Variants in SYNPR observed in about 807,000 individuals in gnomAD.
SYNPR encodes synaptoporin.
SYNPR carries 23 observed loss-of-function variants against 32.9 expected under a neutral mutation model. The observed-to-expected ratio is 0.70, with a 90% CI of 0.50 to 0.99. The LOEUF (loss-of-function observed/expected upper bound fraction) is 0.99, where lower values mean the gene tolerates loss of function less well. Among genes scored for constraint, SYNPR ranks in the 50% least tolerant of loss-of-function variants. The pLI is 0.00. For synonymous variants in SYNPR, 146 were observed against 135.9 expected, an observed-to-expected ratio of 1.07 and a Z score of -0.52; for missense variants, 318 against 349.3, an observed-to-expected ratio of 0.91 and a Z score of 0.71.
intron 2 of SYNPR, among the ~76,000 whole-genome samples, chr3:63,295,665 ACTT>A (rs1367728281): frequency 6.6e-6 from 1 of 152,166 alleles, no homozygotes; most frequent in African/African-American, 2.4e-5. Flanking sequence ...TACTTTTAAA[ACTT>A]CTTTTCTTAT....
chr3:63,308,703 A>C (rs1173822562), intron 2 of SYNPR, among the ~76,000 whole-genome samples: 1 of 151,892 alleles, frequency 6.6e-6, no homozygotes, highest in Non-Finnish European at 1.5e-5. Context: ...GTTCCTCTGT[A>C]CATAATGTGT....
chr3:63,337,963 A>T (rs1444068421), intron 2 of SYNPR, among the ~76,000 whole-genome samples: 2 of 152,330 alleles, frequency 1.3e-5, no homozygotes, highest in South Asian at 2.1e-4. Flanking sequence ...TACATTTGAC[A>T]AATGAACCAT....
intron 4 of SYNPR, among the ~76,000 whole-genome samples, chr3:63,591,371 G>A (rs1699822728): frequency 7.7e-6 from 1 of 129,544 alleles, no homozygotes; most frequent in South Asian, 3.2e-4. Context: ...CTGTAAACTA[G>A]TTCAACCATT....
chr3:63,398,714 G>A lies in SYNPR; in HGVS notation c.85-82118G>A, dbSNP rs113682933. Among the ~76,000 whole-genome samples the A allele has an allele frequency of 1.9e-3, 250 of 130,754 alleles. 4 individuals are homozygous for A. Among genetic ancestry groups the A allele is most frequent in the Middle Eastern group, 0.012 (3 of 244 alleles). 85.8% of individuals were successfully genotyped at this position (130,754 alleles called of 152,430 possible). On this transcript the variant is annotated intron_variant, in intron 2 of 5. Transcript: ENST00000478300. ...AGCCTGGAAGACAGAGCGAGACTCCGTCTCAAAAAAGAAAAAAAAAAAAGT... is the reference window on the plus strand; with the variant it reads ...AGCCTGGAAGACAGAGCGAGACTCCATCTCAAAAAAGAAAAAAAAAAAAGT...
At chr3:63,464,406 A>G (rs1700641550) in intron 2 of SYNPR, among the ~76,000 whole-genome samples, 1 of 152,132 alleles carries the variant, frequency 6.6e-6, no homozygotes, top group East Asian at 1.9e-4. Context: ...CATTCTTTGT[A>G]ATTCTTAATT....
intron 1 of SYNPR, among the ~76,000 whole-genome samples, chr3:63,248,833 G>A (rs2106887401): frequency 6.6e-6 from 1 of 152,276 alleles, no homozygotes; most frequent in South Asian, 2.1e-4. Flanking sequence ...GCTATCATGT[G>A]AGTATTAGAA....
At chr3:63,372,406 C>A (rs144798478) in intron 2 of SYNPR, among the ~76,000 whole-genome samples, 3 of 152,298 alleles carry the variant, frequency 2.0e-5, no homozygotes, top group African/African-American at 7.2e-5. Context: ...CCCTCTGCCA[C>A]TGCCACTGCA....
chr3:63,410,723 C>T (rs2088452986), intron 2 of SYNPR, among the ~76,000 whole-genome samples: 1 of 152,190 alleles, frequency 6.6e-6, no homozygotes, highest in African/African-American at 2.4e-5. Flanking sequence ...CCATCCTCCA[C>T]CAATCAGGTT....
At chr3:63,476,068 G>A (rs1045509075) in intron 2 of SYNPR, among the ~76,000 whole-genome samples, 5 of 145,726 alleles carry the variant, frequency 3.4e-5, no homozygotes, top group Non-Finnish European at 3.0e-5. Context: ...AGAGAGGAAG[G>A]AAGGAAGAAT....
chr3:63,365,630 A>G (rs1357141106), intron 2 of SYNPR, among the ~76,000 whole-genome samples: 1 of 152,252 alleles, frequency 6.6e-6, no homozygotes, highest in Non-Finnish European at 1.5e-5. Context: ...AGAGGAAAGG[A>G]ATAAATTCAG....
chr3:63,459,533 T>C (rs1025417393), intron 2 of SYNPR, among the ~76,000 whole-genome samples: 1 of 152,174 alleles, frequency 6.6e-6, no homozygotes, highest in African/African-American at 2.4e-5. Context: ...AAGTTTGGCC[T>C]CCTTGAGAAT....
At chr3:63,500,272 T>C (rs916850353) in intron 3 of SYNPR, among the ~76,000 whole-genome samples, 2 of 152,190 alleles carry the variant, frequency 1.3e-5, no homozygotes, top group South Asian at 2.1e-4. Context: ...AGCAGTCCTC[T>C]ATGCCTCCGC....
chr3:63,542,804 T>C (rs1466898974), intron 3 of SYNPR, among the ~76,000 whole-genome samples: 1 of 152,116 alleles, frequency 6.6e-6, no homozygotes. Flanking sequence ...AGTAAATACC[T>C]GCTAAGTGAA....
At chr3:63,521,212 C>A (rs1015290764) in intron 3 of SYNPR, among the ~76,000 whole-genome samples, 1 of 152,142 alleles carries the variant, frequency 6.6e-6, no homozygotes, top group African/African-American at 2.4e-5. Flanking sequence ...TGGAGGTCCC[C>A]AGTTCTTAAA....
At chr3:63,379,663 T>C (rs1305487789) in intron 2 of SYNPR, among the ~76,000 whole-genome samples, 1 of 152,152 alleles carries the variant, frequency 6.6e-6, no homozygotes. Flanking sequence ...TTACTGTTTG[T>C]ATATCTTTTT....
At chr3:63,222,765 C>T in the SYNPR span, among the ~76,000 whole-genome samples, 2 of 152,158 alleles carry the variant, frequency 1.3e-5, no homozygotes, top group Non-Finnish European at 2.9e-5. Context: ...GATCCACCTG[C>T]CTTGGCCTCT....
At chr3:63,507,920 A>G (rs1701620584) in intron 3 of SYNPR, among the ~76,000 whole-genome samples, 1 of 152,230 alleles carries the variant, frequency 6.6e-6, no homozygotes, top group Admixed American at 6.5e-5. Context: ...ATTTTAAGTT[A>G]TCTAGTAGCT....
intron 2 of SYNPR, among the ~76,000 whole-genome samples, chr3:63,442,701 C>A (rs1388029587): frequency 6.6e-6 from 1 of 152,138 alleles, no homozygotes; most frequent in East Asian, 1.9e-4. Context: ...ACTCCTGTGA[C>A]GAGTGAGCAA....
intron 2 of SYNPR, among the ~76,000 whole-genome samples, chr3:63,393,002 A>G (rs2088159399): frequency 6.6e-6 from 1 of 152,172 alleles, no homozygotes; most frequent in East Asian, 1.9e-4. Flanking sequence ...TGGCCGTGGA[A>G]AACTAAATGG....
Sources: allele counts gnomAD v4.1 joint callset (sites outside exome capture counted in the v4.1 genomes callset), GRCh38; gene constraint gnomAD v4.1.1; transcripts MANE v1.5; gene names NCBI Gene and HGNC (gene_info 2026-07-23, HGNC 2026-07-21).